The following RAB40A variants were observed in gnomAD, a reference collection of about 807,000 sequenced individuals.
RAB40A encodes RAB40A, member RAS oncogene family.
For missense variants in RAB40A, 145 were observed against 230.2 expected (o/e 0.63, Z 2.40); for synonymous variants, 65 against 99.9 (o/e 0.65, Z 2.08).
chrX:103,505,665 T>C (rs191017989), intron 2 of RAB40A, among the ~76,000 whole-genome samples: 74 of 112,018 alleles, frequency 6.6e-4, no homozygotes, highest in African/African-American at 2.3e-3. Context: ...TTTCTCCTTG[T>C]TTCCAAAAAA....
intron 2 of RAB40A, among the ~76,000 whole-genome samples, chrX:103,512,351 A>G (rs1017365501): frequency 4.6e-5 from 5 of 108,580 alleles, no homozygotes; most frequent in African/African-American, 1.7e-4. Context: ...AAGGCTGGAG[A>G]TCTAATGAGC....
In RAB40A at chrX:103,519,376, C is replaced by T. The variant is rs2073331212; in HGVS notation, c.-229G>A. The T allele has an allele frequency of 9.0e-6, 1 of 111,633 alleles. No homozygotes were observed. Among genetic ancestry groups the T allele is most frequent in the African/African-American group, 3.3e-5 (1 of 30,702 alleles). 9.2% of individuals were successfully genotyped at this position (111,633 alleles called of 1,213,427 possible). A position where few individuals can be genotyped will look rare whatever the true frequency, so the allele number is the denominator to read the frequency against. Reference sequence around the variant, plus strand: ...GGAATTTGATTTGGAAAACCTTTCTCCTGTAGCCAGTCCACCTCCATGTGC... The same window carrying T: ...GGAATTTGATTTGGAAAACCTTTCTTCTGTAGCCAGTCCACCTCCATGTGC... On this transcript the variant is annotated 5_prime_UTR_variant, in exon 1 of 3. Coordinates refer to ENST00000304236, the MANE Select transcript of RAB40A (RefSeq NM_080879.3).
At chrX:103,504,241 G>A (rs2073243138) in intron 2 of RAB40A, among the ~76,000 whole-genome samples, 1 of 110,958 alleles carries the variant, frequency 9.0e-6, no homozygotes. Context: ...TCACTACCTG[G>A]GTGATGGGAT....
rs1388907929 is a variant in RAB40A at position 103,506,884 on chromosome X, TGTTA to T, written c.-70-6062_-70-6059del. ...TCAGGATTTAAAAATATTTGCATCT[TGTTA>T]GTTCTTGTGGTTTTTGTAATTTTTT... On this transcript the variant is annotated intron_variant, in intron 2 of 2. Coordinates refer to ENST00000304236, the MANE Select transcript of RAB40A (RefSeq NM_080879.3). Among the ~76,000 whole-genome samples the T allele has an allele frequency of 1.2e-4, 13 of 112,337 alleles. 1 individual carries two copies. The South Asian group carries it at 3.7e-3, about 32-fold the overall frequency.
chrX:103,502,239 G>A (rs1459648996), intron 2 of RAB40A: 4 of 110,796 alleles, frequency 3.6e-5, no homozygotes, highest in African/African-American at 2.0e-4. Flanking sequence ...GGGCTTCAGG[G>A]CAAATAGAGA....
At chrX:103,503,605 C>T (rs775347177) in intron 2 of RAB40A, 1 of 419,300 alleles carries the variant, frequency 2.4e-6, no homozygotes, top group Admixed American at 9.2e-5. Flanking sequence ...GCTGTGATGC[C>T]TCCTGATGGC....
At position 103,499,808 on chromosome X, in the gene RAB40A, T is replaced by A; in HGVS notation, c.*115A>T. The A allele has an allele frequency of 3.4e-6, 3 of 882,984 alleles. No individual in the cohort carries two copies. Among genetic ancestry groups the A allele is most frequent in the Non-Finnish European group, 1.6e-6 (1 of 608,305 alleles). The allele number at this position is 882,984 out of a possible 1,213,427, so 72.8% of individuals were successfully genotyped here. ...TCACACACATTCCCAAGCAGCATGG[T>A]TCCCGTGAGAAACTGAAAACTAATT... On this transcript the variant is annotated 3_prime_UTR_variant, in exon 3 of 3. Transcript: ENST00000304236.
intron 2 of RAB40A, 112 bp from the exon 3 acceptor site, chrX:103,500,938 A>T (rs766526229): frequency 3.6e-4 from 318 of 872,604 alleles, no homozygotes; most frequent in Admixed American, 8.0e-4. Context: ...TAGGAAACTG[A>T]TTCAGCGATT....
rs1287318704 is a variant in RAB40A, at chrX:103,499,618, C to T, written c.*305G>A. On this transcript the variant is annotated 3_prime_UTR_variant, in exon 3 of 3. Transcript: ENST00000304236. ...GGCGGTTATTTTAAGGAAAAAGTTG[C>T]AGCGTGATTATGATATAAGTAACAT... The T allele has an allele frequency of 5.5e-6, 2 of 365,013 alleles. No homozygotes were observed. Among genetic ancestry groups the T allele is most frequent in the African/African-American group, 5.2e-5 (2 of 38,831 alleles). The allele number at this position is 365,013 out of a possible 1,213,427, so 30.1% of individuals were successfully genotyped here.
intron 1 of RAB40A, among the ~76,000 whole-genome samples, 182 bp downstream of exon 1, chrX:103,519,188 T>C (rs1440812773): frequency 8.9e-6 from 1 of 111,871 alleles, no homozygotes; most frequent in Non-Finnish European, 1.9e-5. Context: ...CACCATTTTG[T>C]TAAATTTTTT....
intron 2 of RAB40A, among the ~76,000 whole-genome samples, chrX:103,505,246 T>C (rs2073248794): frequency 8.9e-6 from 1 of 112,324 alleles, no homozygotes; most frequent in Non-Finnish European, 1.9e-5. Flanking sequence ...ATACTACAAG[T>C]TATCTGTTGG....
chrX:103,501,967 G>A (rs2073230632), intron 2 of RAB40A: 1 of 122,786 alleles, frequency 8.1e-6, no homozygotes, highest in Non-Finnish European at 1.9e-5. Flanking sequence ...ACTACAACAG[G>A]TACAAAGATG....
At chrX:103,512,705 A>G (rs1335236450) in intron 2 of RAB40A, among the ~76,000 whole-genome samples, 1 of 112,001 alleles carries the variant, frequency 8.9e-6, no homozygotes, top group Non-Finnish European at 1.9e-5. Context: ...TATATTTGTC[A>G]TAAAAAAGCA....
chrX:103,499,562 CTCA>C lies in RAB40A; in HGVS notation c.*358_*360del. 1 of 275,871 alleles carries C rather than the reference CTCA, an allele frequency of 3.6e-6. No individual in the cohort carries two copies. The allele number at this position is 275,871 out of a possible 1,213,427, so 22.7% of individuals were successfully genotyped here. On this transcript the variant is annotated 3_prime_UTR_variant, in exon 3 of 3. Transcript: ENST00000304236. ...CTTCTCAAATTTCCTTGAATTTATA[CTCA>C]TCATTGCCATATCACCATTCTAACA...
intron 2 of RAB40A, among the ~76,000 whole-genome samples, chrX:103,507,825 T>A (rs1422729466): frequency 1.8e-5 from 2 of 111,331 alleles, no homozygotes; most frequent in East Asian, 5.6e-4. Context: ...GGCCAACACC[T>A]GAGCTTCTGC....
downstream of RAB40A, among the ~76,000 whole-genome samples, chrX:103,495,237 C>T (rs2073160101): frequency 9.0e-6 from 1 of 111,629 alleles, no homozygotes; most frequent in Non-Finnish European, 1.9e-5. Flanking sequence ...TATAGAAACA[C>T]TACTGATTTT....
chrX:103,506,425 A>AT (rs1244373157), intron 2 of RAB40A, among the ~76,000 whole-genome samples: 1 of 112,117 alleles, frequency 8.9e-6, no homozygotes, highest in Non-Finnish European at 1.9e-5. Flanking sequence ...CTTTTAAAAA[A>AT]ATATATGATT....
chrX:103,493,870 T>C, the RAB40A span, among the ~76,000 whole-genome samples: 11 of 112,609 alleles, frequency 9.8e-5, no homozygotes, highest in Non-Finnish European at 2.1e-4. Context: ...ATGTTAGCTA[T>C]AGTGAACAGT....
At chrX:103,507,892 C>T (rs1320713215) in intron 2 of RAB40A, among the ~76,000 whole-genome samples, 1 of 111,592 alleles carries the variant, frequency 9.0e-6, no homozygotes, top group African/African-American at 3.3e-5. Flanking sequence ...GCCCAGCTCC[C>T]ACCCCTTGAC....
Sources: gnomAD v4.1 joint callset for allele counts (sites outside exome capture counted in the v4.1 genomes callset) on GRCh38, gnomAD v4.1.1 for gene constraint, MANE v1.5 for transcripts, NCBI Gene and HGNC (gene_info 2026-07-23, HGNC 2026-07-21) for gene names.